The following RPTOR variants were observed in gnomAD, a reference collection of about 807,000 sequenced individuals.
RPTOR encodes regulatory-associated protein of mTOR.
In RPTOR, 21 loss-of-function variants were observed where a neutral mutation model predicts 169.9. The observed-to-expected ratio is 0.12, with a 90% CI of 0.09 to 0.18. RPTOR has a LOEUF of 0.18. Among genes scored for constraint, RPTOR ranks in the 10% least tolerant of loss-of-function variants. The pLI, the probability that RPTOR is intolerant of heterozygous loss-of-function variation, is 1.00. For synonymous variants in RPTOR, 732 were observed against 753.2 expected (o/e 0.97, Z 0.46); for missense variants, 1,133 against 1,855.9 (o/e 0.61, Z 7.16).
chr17:80,820,503 T>C lies in RPTOR; in HGVS notation c.891-1698T>C, dbSNP rs1024199932. On this transcript the variant is annotated intron_variant, in intron 7 of 33. Transcript: ENST00000306801. This position sits in a 1 kb window ranked among gnomAD's most constrained non-coding sequence, Gnocchi z 4.1. Reference sequence around the variant, plus strand: ...CTGGTAAAATGAGTTCCTGGATTGTTTGCTTGCATTTCATAAGGAAATGTC... The same window carrying C: ...CTGGTAAAATGAGTTCCTGGATTGTCTGCTTGCATTTCATAAGGAAATGTC... 2.6e-5 allele frequency among the ~76,000 whole-genome samples: 4 copies of C among 152,154 alleles called. No homozygotes were observed. Among genetic ancestry groups the C allele is most frequent in the African/African-American group, 9.7e-5 (4 of 41,424 alleles).
rs1422268646 is a variant in RPTOR, at chr17:80,846,615, A to G, written c.1314+41A>G. ...CCGGGCCAGACAGCCGAGGTTCCTC[A>G]GGAAGGAAGCCAGATGCCTGTACAG... On this transcript the variant is annotated intron_variant, in intron 11 of 33. Coordinates refer to ENST00000306801, the MANE Select transcript of RPTOR (RefSeq NM_020761.3). The G allele has an allele frequency of 9.5e-6, 15 of 1,573,852 alleles. No individual in the cohort carries two copies. The East Asian group carries it at 3.4e-4, about 35-fold the overall frequency.
chr17:80,935,845 CAAAAAAG>C (rs2068949135), intron 24 of RPTOR, among the ~76,000 whole-genome samples: 1 of 151,008 alleles, frequency 6.6e-6, no homozygotes, highest in Admixed American at 6.6e-5. Flanking sequence ...AAGTACAAGT[CAAAAAAG>C]AAAAAAACGA....
chr17:80,847,294 C>A (rs2067742636), intron 11 of RPTOR, among the ~76,000 whole-genome samples: 1 of 152,196 alleles, frequency 6.6e-6, no homozygotes, highest in Admixed American at 6.5e-5. Context: ...CATCGTGGGT[C>A]CTGCTGGCTG....
rs1317421316 is a variant in RPTOR at position 80,922,836 on chromosome 17, C to T, written c.2624+9C>T. On this transcript the variant is annotated intron_variant, in intron 22 of 33. Transcript: ENST00000306801. ...CACATCCACCAGGCGGGGTAAGTGC[C>T]GCCCGCTCAGCCTGCAGGTCCGTGG... The T allele has an allele frequency of 7.1e-6, 11 of 1,549,230 alleles. No homozygotes were observed. The highest frequency in any genetic ancestry group is 4.1e-5 in the African/African-American group (3 of 73,422).
chr17:80,680,923 C>G (rs896450199), intron 3 of RPTOR, among the ~76,000 whole-genome samples: 1 of 152,116 alleles, frequency 6.6e-6, no homozygotes, highest in Non-Finnish European at 1.5e-5. Flanking sequence ...TGAAATGTGG[C>G]CTTCGTGTTC....
chr17:80,853,348 A>G (rs2067815271), intron 11 of RPTOR, among the ~76,000 whole-genome samples: 1 of 152,170 alleles, frequency 6.6e-6, no homozygotes, highest in African/African-American at 2.4e-5. Flanking sequence ...CCCGCTGCCC[A>G]GCTGTGTCCT....
intron 6 of RPTOR, among the ~76,000 whole-genome samples, chr17:80,784,645 A>C (rs1484473752): frequency 1.3e-5 from 2 of 150,396 alleles, no homozygotes; most frequent in South Asian, 4.2e-4. Flanking sequence ...TGCCCACCTC[A>C]GCCCCCCAAA....
chr17:80,871,059 G>A (rs111929137), intron 13 of RPTOR, among the ~76,000 whole-genome samples: 3,289 of 152,136 alleles, frequency 0.022, 125 homozygotes, highest in African/African-American at 0.075. Context: ...CAGCTTTCAG[G>A]GGTACTGGTC....
chr17:80,668,339 A>G (rs1037183819), intron 3 of RPTOR, among the ~76,000 whole-genome samples: 2 of 152,132 alleles, frequency 1.3e-5, no homozygotes, highest in Admixed American at 6.5e-5. Flanking sequence ...AATTTTCATC[A>G]TGTTCCTAGG....
chr17:80,937,323 G>A (rs1419902755), intron 24 of RPTOR, among the ~76,000 whole-genome samples: 1 of 152,168 alleles, frequency 6.6e-6, no homozygotes, highest in Non-Finnish European at 1.5e-5. Flanking sequence ...AATTCAGAGG[G>A]ATTGAAGATA....
At chr17:80,962,108 C>G (rs1276269721) in intron 31 of RPTOR, among the ~76,000 whole-genome samples, 1 of 152,206 alleles carries the variant, frequency 6.6e-6, no homozygotes, top group African/African-American at 2.4e-5. Flanking sequence ...CCCGGGACTG[C>G]AGGCCCCGGT....
Position 80,954,885 on chromosome 17 carries a change from C to T in RPTOR, c.3371-2739C>T, listed in dbSNP as rs1480727973. Among the ~76,000 whole-genome samples, 4 of 152,138 alleles carry T rather than the reference C, an allele frequency of 2.6e-5. No individual in the cohort carries two copies. The South Asian group carries it at 6.2e-4, about 24-fold the overall frequency. ...TGAGCCAAGATCACACCACTGCACT[C>T]CAGCCTGGGCAAAAGTGTGAGACTA... On this transcript the variant is annotated intron_variant, in intron 28 of 33. Coordinates refer to ENST00000306801, the MANE Select transcript of RPTOR (RefSeq NM_020761.3).
chr17:80,579,186 G>GT (rs2064992762), intron 1 of RPTOR, among the ~76,000 whole-genome samples: 1 of 151,812 alleles, frequency 6.6e-6, no homozygotes, highest in South Asian at 2.1e-4. Flanking sequence ...TTATTTATTT[G>GT]TTTATTTATT....
intron 25 of RPTOR, among the ~76,000 whole-genome samples, chr17:80,943,685 G>A (rs535929638): frequency 6.6e-6 from 1 of 152,054 alleles, no homozygotes; most frequent in East Asian, 1.9e-4. Context: ...GAAGACTGGA[G>A]GCGGGCAACG....
intron 13 of RPTOR, among the ~76,000 whole-genome samples, chr17:80,872,992 G>A (rs1377444986): frequency 6.6e-6 from 1 of 152,250 alleles, no homozygotes. Flanking sequence ...CACCACTGAG[G>A]AGGCCCCGGG....
intron 28 of RPTOR, among the ~76,000 whole-genome samples, chr17:80,949,866 C>T (rs1196363666): frequency 6.6e-6 from 1 of 152,256 alleles, no homozygotes; most frequent in Non-Finnish European, 1.5e-5. Flanking sequence ...CTAAAGGGCC[C>T]GCATCACGGG....
At chr17:80,869,213 G>C (rs111279601) in intron 13 of RPTOR, among the ~76,000 whole-genome samples, 1 of 152,040 alleles carries the variant, frequency 6.6e-6, no homozygotes, top group East Asian at 1.9e-4. Context: ...AGGCTGGAGC[G>C]CAGTGGGGCG....
intron 1 of RPTOR, chr17:80,602,798 A>G (rs1051439422): frequency 1.6e-5 from 11 of 690,738 alleles, no homozygotes; most frequent in South Asian, 1.5e-4. Context: ...TGAGTGCCCA[A>G]GGGGCACGCT....
rs1382682912 is a variant in RPTOR at position 80,857,996 on chromosome 17, C to A, written c.1509+96C>A. On this transcript the variant is annotated intron_variant, in intron 13 of 33. Coordinates refer to ENST00000306801, the MANE Select transcript of RPTOR (RefSeq NM_020761.3). ...GTTTCCAGCCTGCCCTTTCTCCAGCCTCGCTCCCTCTCCAGGCACCGCCGT... is the reference window on the plus strand; with the variant it reads ...GTTTCCAGCCTGCCCTTTCTCCAGCATCGCTCCCTCTCCAGGCACCGCCGT... 6.4e-6 allele frequency: 6 copies of A among 933,582 alleles called. No homozygotes were observed. The African/African-American group carries it at 9.6e-5, about 15-fold the overall frequency. 57.8% of individuals were successfully genotyped at this position (933,582 alleles called of 1,614,324 possible).
Sources: allele counts gnomAD v4.1 joint callset (sites outside exome capture counted in the v4.1 genomes callset), GRCh38; gene constraint gnomAD v4.1.1; non-coding constraint Gnocchi (gnomAD v3.1); transcripts MANE v1.5; gene names NCBI Gene and HGNC (gene_info 2026-07-23, HGNC 2026-07-21).